VPS13D: variants seen among roughly 807,000 people sequenced by gnomAD.
The protein encoded by VPS13D is intermembrane lipid transfer protein VPS13D.
In VPS13D, 187 loss-of-function variants were observed where a neutral mutation model predicts 461.9. The observed-to-expected ratio is 0.40, with a 90% CI of 0.36 to 0.46. VPS13D has a LOEUF of 0.46. Among genes scored for constraint, VPS13D ranks in the 20% least tolerant of loss-of-function variants. VPS13D has a pLI of 0.60. For missense variants in VPS13D, 4,711 were observed against 5,364.9 expected, an observed-to-expected ratio of 0.88 and a Z score of 3.81; for synonymous variants, 1,951 against 1,986.3, an observed-to-expected ratio of 0.98 and a Z score of 0.47.
At position 12,277,832 on chromosome 1, in the gene VPS13D, A is replaced by T. The variant is rs745868136; in HGVS notation, c.4244A>T (p.Asp1415Val). The change falls in exon 19 of 70, where the codon GAT (aspartate) becomes GTT (valine). Residue 1415 changes from aspartate to valine, a missense_variant. Physicochemically the swap from Asp to Val is radical, Grantham distance 152 (BLOSUM62 -3). Transcript: ENST00000620676. ...IFIQNFVAGD[D>V]ESRSDRLQVE... ...ATCCAGAATTTTGTGGCGGGAGATG[A>T]TGAATCCAGAAGTGACCGTCTGCAG... is the stretch of plus-strand genomic sequence containing the variant. The T allele has an allele frequency of 6.2e-7, 1 of 1,614,000 alleles. No homozygotes were observed. Among genetic ancestry groups the T allele is most frequent in the Admixed American group, 1.7e-5 (1 of 60,012 alleles).
In VPS13D at chr1:12,255,198, G is replaced by A. The variant is rs146247241; in HGVS notation, c.670-1135G>A. Among the ~76,000 whole-genome samples the A allele has an allele frequency of 4.8e-3, 728 of 152,216 alleles. 3 individuals carry two copies. The highest frequency in any genetic ancestry group is 7.4e-3 in the Non-Finnish European group (501 of 68,016). Reference sequence around the variant, plus strand: ...TGACCTCAGGTGATACACCTGCCTCGGCTTCACAAAGTGCTGGGATTACAG... The same window carrying A: ...TGACCTCAGGTGATACACCTGCCTCAGCTTCACAAAGTGCTGGGATTACAG... On this transcript the variant is annotated intron_variant, in intron 7 of 69. Transcript: ENST00000620676.
chr1:12,267,225 T>G (rs564529872), intron 14 of VPS13D, among the ~76,000 whole-genome samples: 182 of 152,290 alleles, frequency 1.2e-3, no homozygotes, highest in African/African-American at 4.0e-3. Context: ...CCATGGTATA[T>G]TTTGCTCTGA....
chr1:12,424,714 A>G (rs1319856441), intron 65 of VPS13D, among the ~76,000 whole-genome samples: 1 of 152,196 alleles, frequency 6.6e-6, no homozygotes, highest in East Asian at 1.9e-4. Flanking sequence ...TTGAAACAGA[A>G]AGAAAAAGTT....
intron 26 of VPS13D, among the ~76,000 whole-genome samples, chr1:12,305,767 G>T (rs1642543550): frequency 6.6e-6 from 1 of 152,164 alleles, no homozygotes; most frequent in African/African-American, 2.4e-5. Flanking sequence ...TTGTTACATA[G>T]ATCCGAGGAA....
At chr1:12,365,298 A>G (rs1005478696) in intron 52 of VPS13D, among the ~76,000 whole-genome samples, 2 of 152,192 alleles carry the variant, frequency 1.3e-5, no homozygotes, top group East Asian at 1.9e-4. Context: ...AAAAAATGCT[A>G]TTGGGATGTT....
rs1449993088 is a variant in VPS13D at position 12,507,303 on chromosome 1, G to A, written c.13035+210G>A. On this transcript the variant is annotated intron_variant, in intron 69 of 69. Coordinates refer to ENST00000620676, the MANE Select transcript of VPS13D (RefSeq NM_015378.4). The surrounding 1 kb of genome is among the most constrained non-coding windows in gnomAD (Gnocchi z 5.3). Reference sequence around the variant, plus strand: ...TCCCAGCTGGCCCATGGGTGACCCTGGGAACATTAACTGCCTCACAACGTT... The same window carrying A: ...TCCCAGCTGGCCCATGGGTGACCCTAGGAACATTAACTGCCTCACAACGTT... The A allele has an allele frequency of 2.3e-6, 2 of 863,604 alleles. No homozygotes were observed. The highest frequency in any genetic ancestry group is 3.9e-6 in the Non-Finnish European group (2 of 511,916). 53.5% of individuals were successfully genotyped at this position (863,604 alleles called of 1,614,324 possible). A position where few individuals can be genotyped will look rare whatever the true frequency, so the allele number is the denominator to read the frequency against.
chr1:12,233,900 C>T (rs907645612), intron 1 of VPS13D, among the ~76,000 whole-genome samples: 19 of 152,000 alleles, frequency 1.3e-4, no homozygotes, highest in Non-Finnish European at 2.4e-4. Context: ...TACAAAAAAT[C>T]AGCTGGGTGT....
chr1:12,428,278 G>A (rs893966139), intron 65 of VPS13D, among the ~76,000 whole-genome samples: 1 of 152,170 alleles, frequency 6.6e-6, no homozygotes, highest in Admixed American at 6.5e-5. Flanking sequence ...ATGTGGAGGC[G>A]CAGTTGGTCC....
intron 14 of VPS13D, 43 bp from the exon 15 acceptor site, chr1:12,267,800 CCT>C (rs760921362): frequency 4.5e-6 from 7 of 1,563,698 alleles, no homozygotes; most frequent in African/African-American, 4.1e-5. Flanking sequence ...TGAATTGTCC[CCT>C]CTCACGCTGA....
chr1:12,427,257 A>G lies in VPS13D; in HGVS notation c.12333+10430A>G, dbSNP rs1046679591. Among the ~76,000 whole-genome samples the G allele has an allele frequency of 8.8e-4, 129 of 147,192 alleles. 1 individual carries two copies. Among genetic ancestry groups the G allele is most frequent in the African/African-American group, 3.1e-3 (127 of 40,690 alleles). On this transcript the variant is annotated intron_variant, in intron 65 of 69. Coordinates refer to ENST00000620676, the MANE Select transcript of VPS13D (RefSeq NM_015378.4). ...TTGTCATTATTTTATTATTATTATT[A>G]TTATTATTATTATTATTATTATTAC...
intron 50 of VPS13D, among the ~76,000 whole-genome samples, chr1:12,361,216 ATTG>A (rs999846701): frequency 2.2e-4 from 34 of 151,996 alleles, no homozygotes; most frequent in Admixed American, 5.2e-4. Flanking sequence ...AATTATTATT[ATTG>A]TTGTTGTTGT....
rs775062620 is a variant in VPS13D, at chr1:12,354,067, G to T, written c.9525G>T (p.Gly3175=). Residue 3175 remains glycine, a synonymous_variant, in exon 47 of 70, where the codon GGG becomes GGT. Transcript: ENST00000620676. ...DSAKQIFRQP[G]HTIYLLPTVV... ...CAAAACAGATTTTCAGACAGCCTGG[G>T]CATACCATATATCTCCTGCCAACTG... is the stretch of plus-strand genomic sequence containing the variant. The T allele has an allele frequency of 6.2e-7, 1 of 1,614,136 alleles. No homozygotes were observed. The highest frequency in any genetic ancestry group is 1.7e-5 in the Admixed American group (1 of 60,012).
intron 68 of VPS13D, chr1:12,499,683 AC>A: frequency 1.0e-6 from 1 of 985,448 alleles, no homozygotes. Context: ...ATGTGTCTCC[AC>A]CCAAGTTGTG....
chr1:12,433,207 T>A (rs1645015114), intron 65 of VPS13D, among the ~76,000 whole-genome samples: 1 of 151,682 alleles, frequency 6.6e-6, no homozygotes, highest in Admixed American at 6.6e-5. Context: ...CTGGAGTAGG[T>A]GCTCGAAACC....
Position 12,271,051 on chromosome 1 carries a change from A to G in VPS13D, c.2030A>G (p.Tyr677Cys), listed in dbSNP as rs771276456. Residue 677 changes from tyrosine to cysteine, a missense_variant, in exon 17 of 70, where the codon TAT becomes TGT. By Grantham distance (194) the Tyr-to-Cys change is radical. Coordinates refer to ENST00000620676, the MANE Select transcript of VPS13D (RefSeq NM_015378.4). ...GTGGCTGAAGCTGCCCGAAGACAAT[A>G]TAACAAGCTGAAGATGCAGACCAAG... ...LRVAEAARRQ[Y>C]NKLKMQTKAE... The G allele has an allele frequency of 3.1e-6, 5 of 1,613,914 alleles. No homozygotes were observed. The African/African-American group carries it at 6.7e-5, about 22-fold the overall frequency.
chr1:12,408,638 T>C (rs531231657), intron 63 of VPS13D, among the ~76,000 whole-genome samples: 1 of 152,370 alleles, frequency 6.6e-6, no homozygotes, highest in South Asian at 2.1e-4. Context: ...GTGCTGGGAT[T>C]ACAGGCATGA....
chr1:12,412,511 G>A (rs933953659), intron 63 of VPS13D, among the ~76,000 whole-genome samples: 10 of 152,198 alleles, frequency 6.6e-5, no homozygotes, highest in African/African-American at 2.4e-4. Flanking sequence ...ATACCATCAC[G>A]TGACTTTTGA....
intron 65 of VPS13D, among the ~76,000 whole-genome samples, chr1:12,440,281 G>A (rs922096582): frequency 2.0e-5 from 3 of 152,208 alleles, no homozygotes; most frequent in African/African-American, 7.2e-5. Flanking sequence ...ATCAGTATAT[G>A]CTTTGGGGGT....
intron 67 of VPS13D, among the ~76,000 whole-genome samples, chr1:12,469,192 G>C (rs1390256156): frequency 6.6e-6 from 1 of 152,078 alleles, no homozygotes; most frequent in Non-Finnish European, 1.5e-5. Flanking sequence ...GGTTCTTTTA[G>C]AACAGAGGGT....
Sources: allele counts gnomAD v4.1 joint callset (sites outside exome capture counted in the v4.1 genomes callset), GRCh38; gene constraint gnomAD v4.1.1; non-coding constraint Gnocchi (gnomAD v3.1); transcripts MANE v1.5; gene names NCBI Gene and HGNC (gene_info 2026-07-23, HGNC 2026-07-21).